Variants in RFK observed in about 807,000 individuals in gnomAD.
RFK encodes 0610038L10Rik.
In RFK, 4 loss-of-function variants were observed where a neutral mutation model predicts 17.6. That is an observed-to-expected ratio of 0.23 (90% CI 0.11 to 0.52). RFK has a LOEUF of 0.52. Ranked by LOEUF, RFK falls within the 20% of genes least tolerant of loss-of-function variation. RFK has a pLI of 0.96. For missense variants in RFK, 189 were observed against 187.7 expected (o/e 1.01, Z -0.04); for synonymous variants, 59 against 63.8 (o/e 0.92, Z 0.36).
chr9:76,387,389 C>T lies in RFK; in HGVS notation c.*10G>A. 6.3e-7 allele frequency: 1 copy of T among 1,599,880 alleles called. No individual in the cohort carries two copies. Among genetic ancestry groups the T allele is most frequent in the Non-Finnish European group, 8.5e-7 (1 of 1,173,012 alleles). The stretch of plus-strand genomic sequence containing the variant: ...GAAAACAGTGAATGAATAAATAATA[C>T]AATTTTTCATCAGTGGCCATTCATT... On this transcript the variant is annotated 3_prime_UTR_variant, in exon 4 of 4. Coordinates refer to ENST00000376736, the MANE Select transcript of RFK (RefSeq NM_018339.6).
At chr9:76,387,828 G>A (rs1279051464) in intron 3 of RFK, 5 of 252,004 alleles carry the variant, frequency 2.0e-5, no homozygotes, top group Non-Finnish European at 2.3e-5. Flanking sequence ...GGTGAAACCT[G>A]ACTCTACTAA....
chr9:76,390,322 T>A (rs919285097), intron 2 of RFK, among the ~76,000 whole-genome samples: 13 of 152,166 alleles, frequency 8.5e-5, no homozygotes, highest in African/African-American at 3.1e-4. Context: ...AAACAGATTA[T>A]ATAAAGCACT....
chr9:76,390,301 A>C (rs1236694271), intron 2 of RFK, among the ~76,000 whole-genome samples: 1 of 152,250 alleles, frequency 6.6e-6, no homozygotes, highest in African/African-American at 2.4e-5. Flanking sequence ...TGGAGTAGTC[A>C]AAGATTTCTG....
rs1822864594 is a variant in RFK, at chr9:76,394,370, C to T, written c.-199G>A. 6 of 502,906 alleles carry T rather than the reference C, an allele frequency of 1.2e-5. No individual in the cohort carries two copies. Among genetic ancestry groups the T allele is most frequent in the African/African-American group, 4.1e-5 (2 of 48,666 alleles). 31.2% of individuals were successfully genotyped at this position (502,906 alleles called of 1,614,324 possible). ...ACGCCGCCGACCCAACAAATACCGC[C>T]GGGCGCCTGAGGAGCTGCGTCTCCG... On this transcript the variant is annotated 5_prime_UTR_variant, in exon 1 of 4. Coordinates refer to ENST00000376736, the MANE Select transcript of RFK (RefSeq NM_018339.6).
At chr9:76,388,324 C>T (rs757105756) in intron 3 of RFK, 1 of 619,946 alleles carries the variant, frequency 1.6e-6, no homozygotes, top group Non-Finnish European at 3.0e-6. Flanking sequence ...TACTATGTGA[C>T]TTTGAGAATG....
chr9:76,392,470 A>G lies in RFK; in HGVS notation c.182T>C (p.Met61Thr), dbSNP rs149893787. Residue 61 changes from methionine (M) to threonine (T), a missense_variant, in exon 2 of 4, where the codon ATG becomes ACG. Physicochemically the swap from Met to Thr is moderately conservative, Grantham distance 81. This residue lies in a region of RFK where 4 missense variants were observed against 16.6 expected (regional missense o/e 0.24). Coordinates refer to ENST00000376736, the MANE Select transcript of RFK (RefSeq NM_018339.6). ...TGGGTTCCATCCTATGCTCACCACC[A>G]TCTTATGGACATCTCCACTTCCAAC... is the stretch of plus-strand genomic sequence containing the variant. The part of the protein sequence containing the change: ...ASVGSGDVHK[M>T]VVSIGWNPYY... The G allele has an allele frequency of 1.2e-6, 2 of 1,614,058 alleles. No individual in the cohort carries two copies. Among genetic ancestry groups the G allele is most frequent in the African/African-American group, 2.7e-5 (2 of 74,918 alleles).
intron 2 of RFK, 82 bp from the exon 3 acceptor site, chr9:76,388,738 G>T: frequency 1.3e-6 from 1 of 770,264 alleles, no homozygotes; most frequent in Non-Finnish European, 2.2e-6. Context: ...TTTATGGTGA[G>T]TTAATTTAAA....
intron 3 of RFK, chr9:76,387,855 G>A (rs755521310): frequency 4.8e-5 from 11 of 229,612 alleles, no homozygotes; most frequent in Admixed American, 3.2e-4. Context: ...AAAAATTAGC[G>A]GGGTGTGATG....
intron 1 of RFK, among the ~76,000 whole-genome samples, chr9:76,392,942 T>A (rs1822836216): frequency 6.6e-6 from 1 of 152,204 alleles, no homozygotes; most frequent in Admixed American, 6.5e-5. Context: ...AAAAATCACA[T>A]GCAAGGCTAA....
At position 76,386,699 on chromosome 9, in the gene RFK, A is replaced by G. The variant is rs1412254025; in HGVS notation, c.*700T>C. ...CTCAGAATTGAAGCAGCTCTATACA[A>G]TAATGAAGGTGGTACAATGATGTGA... On this transcript the variant is annotated 3_prime_UTR_variant, in exon 4 of 4. Transcript: ENST00000376736. The G allele has an allele frequency of 1.3e-5, 2 of 152,246 alleles. No homozygotes were observed. Among genetic ancestry groups the G allele is most frequent in the East Asian group, 1.9e-4 (1 of 5,206 alleles). 9.4% of individuals were successfully genotyped at this position (152,246 alleles called of 1,614,324 possible).
rs566903260 is a variant in RFK at position 76,386,455 on chromosome 9, G to A, written c.*944C>T. 2.6e-5 allele frequency: 4 copies of A among 152,156 alleles called. No individual in the cohort carries two copies. The highest frequency in any genetic ancestry group is 9.6e-5 in the African/African-American group (4 of 41,514). The allele number at this position is 152,156 out of a possible 1,614,324, so 9.4% of individuals were successfully genotyped here. A position where few individuals can be genotyped will look rare whatever the true frequency, so the allele number is the denominator to read the frequency against. ...TTAAGAAATTGATATGTGTAAATGTGTTCACTTAAATCTTGAGAAAACCTA... is the reference window on the plus strand; with the variant it reads ...TTAAGAAATTGATATGTGTAAATGTATTCACTTAAATCTTGAGAAAACCTA... On this transcript the variant is annotated 3_prime_UTR_variant, in exon 4 of 4. Coordinates refer to ENST00000376736, the MANE Select transcript of RFK (RefSeq NM_018339.6).
At chr9:76,388,263 C>T (rs1258677684) in intron 3 of RFK, 3 of 536,554 alleles carry the variant, frequency 5.6e-6, no homozygotes, top group East Asian at 4.6e-5. Flanking sequence ...AACTTCATAC[C>T]GCTGGAGAGA....
rs143424189 is a variant in RFK at position 76,388,603 on chromosome 9, A to G, written c.288T>C (p.Asn96=). ...GTCTCAGGTAGCCAACAATGGCCACATTGAGGATTTCCCCATAGAAGTCCT... is the reference window on the plus strand; with the variant it reads ...GTCTCAGGTAGCCAACAATGGCCACGTTGAGGATTTCCCCATAGAAGTCCT... ...FKEDFYGEIL[N]VAIVGYLRPE... The change falls in exon 3 of 4, where the codon AAT becomes AAC. Residue 96 remains asparagine, a synonymous_variant. Coordinates refer to ENST00000376736, the MANE Select transcript of RFK (RefSeq NM_018339.6). 1.7e-5 allele frequency: 27 copies of G among 1,612,690 alleles called. No homozygotes were observed. In the East Asian group the frequency reaches 5.8e-4, roughly 35 times the overall value.
intron 1 of RFK, 141 bp downstream of exon 1, chr9:76,393,947 GAC>G: frequency 1.4e-6 from 1 of 739,258 alleles, no homozygotes; most frequent in Non-Finnish European, 2.1e-6. Flanking sequence ...CTCCGCCACA[GAC>G]AAGGGGATGC....
In RFK at chr9:76,394,286, T is replaced by C; in HGVS notation, c.-115A>G. The C allele has an allele frequency of 9.6e-7, 1 of 1,043,290 alleles. No individual in the cohort carries two copies. The highest frequency in any genetic ancestry group is 3.0e-5 in the Admixed American group (1 of 33,060). The allele number at this position is 1,043,290 out of a possible 1,614,324, so 64.6% of individuals were successfully genotyped here. On this transcript the variant is annotated 5_prime_UTR_variant, in exon 1 of 4. Coordinates refer to ENST00000376736, the MANE Select transcript of RFK (RefSeq NM_018339.6). The stretch of plus-strand genomic sequence containing the variant: ...GGGGGACAGGAGCGTGAGCTCTGCC[T>C]GCCGCGGGGGCGCACCAGTGGCCGG...
chr9:76,388,440 C>A, intron 3 of RFK, 114 bp downstream of exon 3: 1 of 710,294 alleles, frequency 1.4e-6, no homozygotes, highest in South Asian at 1.6e-5. Context: ...CGGTGCCTGG[C>A]ATATATTAAA....
At chr9:76,392,833 G>A (rs999893401) in intron 1 of RFK, among the ~76,000 whole-genome samples, 1 of 152,168 alleles carries the variant, frequency 6.6e-6, no homozygotes, top group Non-Finnish European at 1.5e-5. Flanking sequence ...CCCAGCAGAT[G>A]GAGGCTGCAG....
Position 76,394,148 on chromosome 9 carries a change from G to C in RFK, c.24C>G (p.Cys8Trp), listed in dbSNP as rs755185531. The change falls in exon 1 of 4, where the codon TGC (cysteine) becomes TGG (tryptophan). Residue 8 changes from cysteine to tryptophan, a missense_variant. Cys to Trp is a radical substitution (Grantham distance 215, BLOSUM62 -2). Around this residue, in one of 3 missense-constraint regions of RFK, gnomAD observed 90 missense variants for 75.4 expected, o/e 1.19. Transcript: ENST00000376736. ...CGAAGCCCCGCACCACTTGACCCCG[G>C]CAGAAGTAAGGCAGGTGCCTCATAA... is the stretch of plus-strand genomic sequence containing the variant. The part of the protein sequence containing the change: MRHLPYF[C>W]RGQVVRGFGR... 1 of 1,608,848 alleles carries C rather than the reference G, an allele frequency of 6.2e-7. No homozygotes were observed. Among genetic ancestry groups the C allele is most frequent in the Non-Finnish European group, 8.5e-7 (1 of 1,178,528 alleles).
At chr9:76,391,186 A>G (rs1441451029) in intron 2 of RFK, among the ~76,000 whole-genome samples, 2 of 152,252 alleles carry the variant, frequency 1.3e-5, no homozygotes, top group Non-Finnish European at 2.9e-5. Flanking sequence ...GCAAAATGTT[A>G]AGTACTTCTG....
Sources: allele counts gnomAD v4.1 joint callset (sites outside exome capture counted in the v4.1 genomes callset), GRCh38; gene constraint gnomAD v4.1.1; regional missense constraint gnomAD v4.1.1; transcripts MANE v1.5; gene names NCBI Gene and HGNC (gene_info 2026-07-23, HGNC 2026-07-21).